The following SAMMSON variants were observed in gnomAD, a reference collection of about 807,000 sequenced individuals.
SAMMSON encodes the protein survival associated mitochondrial melanoma specific oncogenic non-coding RNA.
chr3:70,253,710 A>C (rs929303391), intron 6 of SAMMSON, among the ~76,000 whole-genome samples: 1 of 152,220 alleles, frequency 6.6e-6, no homozygotes, highest in Admixed American at 6.5e-5. Flanking sequence ...GCTACAGTGC[A>C]AAACCCCAAC....
intron 3 of SAMMSON, among the ~76,000 whole-genome samples, chr3:70,027,431 T>G (rs1182780155): frequency 6.6e-6 from 1 of 152,224 alleles, no homozygotes; most frequent in Non-Finnish European, 1.5e-5. Context: ...TAGAGTTTTC[T>G]TGAAAGCCTT....
At chr3:70,154,416 C>G (rs2067583890) in intron 4 of SAMMSON, among the ~76,000 whole-genome samples, 1 of 151,962 alleles carries the variant, frequency 6.6e-6, no homozygotes. Flanking sequence ...GTCATAAGGC[C>G]AGGCTGTCTG....
intron 6 of SAMMSON, among the ~76,000 whole-genome samples, chr3:70,274,818 A>C (rs1702006268): frequency 6.6e-6 from 1 of 152,246 alleles, no homozygotes; most frequent in Admixed American, 6.5e-5. Context: ...AAGGAATATT[A>C]TAAAAACTAC....
chr3:70,338,781 G>A (rs1040752201), intron 7 of SAMMSON, among the ~76,000 whole-genome samples: 1 of 152,146 alleles, frequency 6.6e-6, no homozygotes, highest in African/African-American at 2.4e-5. Flanking sequence ...AACATTCCAT[G>A]CTCATGGATA....
intron 6 of SAMMSON, among the ~76,000 whole-genome samples, chr3:70,262,670 T>C (rs1032198354): frequency 6.6e-6 from 1 of 152,208 alleles, no homozygotes; most frequent in East Asian, 1.9e-4. Context: ...TTGTGTCACA[T>C]AACAGGGTTG....
At chr3:70,243,863 T>C (rs1036909726) in intron 4 of SAMMSON, among the ~76,000 whole-genome samples, 1 of 152,186 alleles carries the variant, frequency 6.6e-6, no homozygotes, top group African/African-American at 2.4e-5. Context: ...TGTGGAGGAA[T>C]TGTATCACAC....
chr3:70,280,616 C>G (rs150427377), intron 6 of SAMMSON, among the ~76,000 whole-genome samples: 33 of 152,282 alleles, frequency 2.2e-4, no homozygotes, highest in South Asian at 4.1e-4. Context: ...AGCAAAGGTT[C>G]TTCTCTGTCC....
chr3:70,364,658 T>G (rs1183905599), intron 9 of SAMMSON, among the ~76,000 whole-genome samples: 2 of 151,906 alleles, frequency 1.3e-5, no homozygotes, highest in African/African-American at 4.8e-5. Context: ...AAGTCTTATT[T>G]ATTTTATCCA....
At chr3:70,106,280 G>T (rs981594531) in intron 4 of SAMMSON, among the ~76,000 whole-genome samples, 3 of 151,058 alleles carry the variant, frequency 2.0e-5, no homozygotes, top group African/African-American at 4.9e-5. Context: ...TCTAAATTTT[G>T]TGTGTATTTG....
intron 7 of SAMMSON, among the ~76,000 whole-genome samples, chr3:70,337,184 T>TAAA (rs1201646292): frequency 7.4e-6 from 1 of 134,480 alleles, no homozygotes; most frequent in Non-Finnish European, 1.6e-5. Flanking sequence ...ATATTAATAA[T>TAAA]ATGTAACTTA....
At chr3:70,326,692 C>T (rs1190110453) in intron 7 of SAMMSON, among the ~76,000 whole-genome samples, 1 of 152,108 alleles carries the variant, frequency 6.6e-6, no homozygotes, top group African/African-American at 2.4e-5. Flanking sequence ...ATATATTTTT[C>T]TCTCTTATAT....
intron 3 of SAMMSON, among the ~76,000 whole-genome samples, chr3:70,028,189 T>C (rs1559776287): frequency 7.0e-6 from 1 of 143,592 alleles, no homozygotes; most frequent in African/African-American, 2.8e-5. Context: ...CTTCCTTCCT[T>C]TCTTTCTTTC....
Position 70,101,732 on chromosome 3 carries a change from A to G in SAMMSON, n.507+30167A>G, listed in dbSNP as rs539964029. ...CGTGGTTGCATTTTGTCCCTCCAGT[A>G]TCCCTGGAATTATAGAATTCCTCAT... On this transcript the variant is annotated intron_variant and non_coding_transcript_variant, in intron 4 of 9. Transcript: ENST00000642114. Among the ~76,000 whole-genome samples, 60 of 152,308 alleles carry G rather than the reference A, an allele frequency of 3.9e-4. No homozygotes were observed. In the South Asian group the frequency reaches 5.2e-3, roughly 13 times the overall value.
intron 7 of SAMMSON, among the ~76,000 whole-genome samples, chr3:70,317,917 A>G (rs561490534): frequency 6.6e-6 from 1 of 151,868 alleles, no homozygotes; most frequent in South Asian, 2.1e-4. Flanking sequence ...TTTATGCTGA[A>G]TATAGAATTC....
At chr3:70,413,277 A>T (rs758887441) in intron 2 of SAMMSON, among the ~76,000 whole-genome samples, 9 of 152,126 alleles carry the variant, frequency 5.9e-5, no homozygotes, top group Admixed American at 3.9e-4. Context: ...CCTATATGTC[A>T]AGCTGAACTC....
At chr3:70,232,161 T>C (rs1246211199) in intron 4 of SAMMSON, among the ~76,000 whole-genome samples, 5 of 152,172 alleles carry the variant, frequency 3.3e-5, no homozygotes, top group Admixed American at 3.3e-4. Context: ...AACCGTACAC[T>C]CGACACACTT....
intron 4 of SAMMSON, among the ~76,000 whole-genome samples, chr3:70,108,346 A>G (rs537154178): frequency 6.6e-6 from 1 of 151,090 alleles, no homozygotes; most frequent in East Asian, 2.0e-4. Flanking sequence ...AGGCAATATA[A>G]GTGCTACAAA....
intron 4 of SAMMSON, among the ~76,000 whole-genome samples, chr3:70,095,339 C>G (rs149019549): frequency 2.1e-4 from 32 of 152,214 alleles, no homozygotes; most frequent in African/African-American, 6.7e-4. Flanking sequence ...TATTAAGTTG[C>G]TCATTTGCTT....
chr3:70,153,142 G>T (rs11717496), intron 4 of SAMMSON, among the ~76,000 whole-genome samples: 67,961 of 151,642 alleles, frequency 0.45, 16,408 homozygotes, highest in Non-Finnish European at 0.52. Flanking sequence ...AAGGTGAGGG[G>T]CGTTATTCTG....
Sources: allele counts gnomAD v4.1 joint callset (sites outside exome capture counted in the v4.1 genomes callset), GRCh38; gene constraint gnomAD v4.1.1; transcripts MANE v1.5; gene names NCBI Gene and HGNC (gene_info 2026-07-23, HGNC 2026-07-21).